The following CACNA1C variants were observed in gnomAD, a reference collection of about 807,000 sequenced individuals.
The protein encoded by CACNA1C is calcium voltage-gated channel subunit alpha1 C, also known as voltage-dependent L-type calcium channel subunit alpha-1C.
Under a neutral mutation model 229.0 loss-of-function variants are expected in CACNA1C, and 30 were observed. The ratio of observed to expected loss-of-function variants is 0.13; its 90% CI spans 0.10 to 0.18. The LOEUF (loss-of-function observed/expected upper bound fraction) is 0.18. Ranked by LOEUF, CACNA1C falls within the 10% of genes least tolerant of loss-of-function variation. CACNA1C has a pLI of 1.00. For missense variants in CACNA1C, 1,658 were observed against 2,845.0 expected, an observed-to-expected ratio of 0.58 and a Z score of 9.49; for synonymous variants, 1,114 against 1,132.5, an observed-to-expected ratio of 0.98 and a Z score of 0.33.
Position 2,678,933 on chromosome 12 carries a change from C to CAGGAAATTCT in CACNA1C, c.5092-510_5092-501dup, listed in dbSNP as rs1448455076. ...CCCCGAGGGGAAAAAGACCATCATG[C>CAGGAAATTCT]AGGAAATTCTTCATTTTCAAAACCG... On this transcript the variant is annotated intron_variant, in intron 41 of 46. Coordinates refer to ENST00000399655, the MANE Select transcript of CACNA1C (RefSeq NM_000719.7). This position sits in a 1 kb window ranked among gnomAD's most constrained non-coding sequence, Gnocchi z 4.1. Among the ~76,000 whole-genome samples, 7 of 152,250 alleles carry CAGGAAATTCT rather than the reference C, an allele frequency of 4.6e-5. No homozygotes were observed. Among genetic ancestry groups the CAGGAAATTCT allele is most frequent in the Non-Finnish European group, 1.0e-4 (7 of 68,034 alleles).
At chr12:2,675,379 C>G (rs1349326341) in intron 39 of CACNA1C, among the ~76,000 whole-genome samples, 1 of 152,160 alleles carries the variant, frequency 6.6e-6, no homozygotes, top group South Asian at 2.1e-4. Context: ...CAAGACAATA[C>G]TGAATACTGT....
intron 3 of CACNA1C, among the ~76,000 whole-genome samples, chr12:2,179,769 G>A (rs1417031975): frequency 6.6e-6 from 1 of 152,220 alleles, no homozygotes; most frequent in Non-Finnish European, 1.5e-5. Flanking sequence ...GTATTTGGCT[G>A]TTCAATGGAT....
intron 3 of CACNA1C, among the ~76,000 whole-genome samples, chr12:2,147,095 T>C (rs1159639640): frequency 6.6e-6 from 1 of 151,256 alleles, no homozygotes; most frequent in African/African-American, 2.4e-5. Context: ...CCTGTCCCTA[T>C]CTCTAGGTCT....
At chr12:2,115,754 G>T (rs889366464) in intron 2 of CACNA1C, among the ~76,000 whole-genome samples, 1 of 152,256 alleles carries the variant, frequency 6.6e-6, no homozygotes, top group Non-Finnish European at 1.5e-5. Flanking sequence ...TGGGGACGGG[G>T]CCCAGCAATC....
intron 3 of CACNA1C, among the ~76,000 whole-genome samples, chr12:2,256,481 A>T (rs1455253981): frequency 6.6e-6 from 1 of 152,164 alleles, no homozygotes; most frequent in Non-Finnish European, 1.5e-5. Context: ...AGCTTTCATT[A>T]CCTGTCTAGC....
rs550267364 is a variant in CACNA1C, at chr12:2,449,126, C to T, written c.617+11C>T. On this transcript the variant is annotated intron_variant, in intron 4 of 46. Transcript: ENST00000399655. ...AATTGTGGTTGTGGGGTAAGTATCA[C>T]TGTCTGTTTCTTTCCCTTTATCTTA... 8 of 1,521,014 alleles carry T rather than the reference C, an allele frequency of 5.3e-6. No homozygotes were observed. Among genetic ancestry groups the T allele is most frequent in the Admixed American group, 2.2e-5 (1 of 45,880 alleles). The allele number at this position is 1,521,014 out of a possible 1,614,324, so 94.2% of individuals were successfully genotyped here.
At chr12:2,390,615 G>T (rs2098465347) in intron 3 of CACNA1C, among the ~76,000 whole-genome samples, 1 of 152,228 alleles carries the variant, frequency 6.6e-6, no homozygotes, top group African/African-American at 2.4e-5. Flanking sequence ...GATGAGTTTG[G>T]AGGGGTTCGA....
chr12:2,005,746 T>A (rs2043295450), intron 1 of CACNA1C, among the ~76,000 whole-genome samples: 1 of 152,254 alleles, frequency 6.6e-6, no homozygotes, highest in Admixed American at 6.5e-5. Context: ...CAATGTCTCA[T>A]GCTACATAAT....
rs551668881 is a variant in CACNA1C at position 2,509,335 on chromosome 12, A to G, written c.1218-3477A>G. On this transcript the variant is annotated intron_variant, in intron 8 of 46. Coordinates refer to ENST00000399655, the MANE Select transcript of CACNA1C (RefSeq NM_000719.7). ...TCATGTTATGGAATGTAACCCTTAC[A>G]TGTTATGGAATGTAACCCTTATTCA... Among the ~76,000 whole-genome samples the G allele has an allele frequency of 1.7e-4, 26 of 152,326 alleles. No homozygotes were observed. The South Asian group carries it at 5.0e-3, about 29-fold the overall frequency.
chr12:2,617,664 C>T (rs1568835529), intron 29 of CACNA1C, among the ~76,000 whole-genome samples: 1 of 152,190 alleles, frequency 6.6e-6, no homozygotes. Context: ...TGGCCACAGG[C>T]CCTGCGGAGG....
In CACNA1C at chr12:2,226,136, CACA is replaced by C. The variant is rs1566519315; in HGVS notation, c.477+105707_477+105709del. On this transcript the variant is annotated intron_variant, in intron 3 of 46. Transcript: ENST00000399655. ...GGATATGGGGACGCGCACACACACA[CACA>C]CACACACACACACACACACACACAC... is the stretch of plus-strand genomic sequence containing the variant. Among the ~76,000 whole-genome samples, 668 of 129,346 alleles carry C rather than the reference CACA, an allele frequency of 5.2e-3. 10 individuals carry two copies. The highest frequency in any genetic ancestry group is 0.022 in the African/African-American group (639 of 29,310). The allele number at this position is 129,346 out of a possible 152,430, so 84.9% of individuals were successfully genotyped here.
chr12:2,680,931 GC>G (rs2097114645), intron 42 of CACNA1C, among the ~76,000 whole-genome samples: 1 of 152,220 alleles, frequency 6.6e-6, no homozygotes, highest in Non-Finnish European at 1.5e-5. Flanking sequence ...TTATGTGCCG[GC>G]CTGAAGGGCT....
At chr12:2,450,324 G>A (rs537300947) in intron 4 of CACNA1C, among the ~76,000 whole-genome samples, 41 of 152,146 alleles carry the variant, frequency 2.7e-4, no homozygotes, top group South Asian at 1.2e-3. Context: ...GGAGGCCAAG[G>A]CGGGCGGATC....
chr12:2,652,307 C>G (rs1481741111), intron 32 of CACNA1C, among the ~76,000 whole-genome samples: 1 of 152,198 alleles, frequency 6.6e-6, no homozygotes, highest in Non-Finnish European at 1.5e-5. Flanking sequence ...CCAGGACTGC[C>G]TGGCCATGTG....
chr12:2,660,525 TA>T (rs1157324995), intron 34 of CACNA1C: 111 of 144,892 alleles, frequency 7.7e-4, no homozygotes, highest in Middle Eastern at 3.5e-3. Context: ...AACAGAACAC[TA>T]AAAAAAAAAA....
intron 10 of CACNA1C, among the ~76,000 whole-genome samples, chr12:2,556,182 C>A (rs1049357177): frequency 8.5e-5 from 13 of 152,280 alleles, no homozygotes; most frequent in African/African-American, 2.2e-4. Flanking sequence ...TTCTCTTTTA[C>A]AGTCTGTCCC....
chr12:2,044,063 A>G (rs2050659801), intron 1 of CACNA1C, among the ~76,000 whole-genome samples: 1 of 152,250 alleles, frequency 6.6e-6, no homozygotes. Flanking sequence ...GTGATTAATA[A>G]TAAAATAATG....
At chr12:2,515,961 C>T (rs1428803559) in intron 9 of CACNA1C, among the ~76,000 whole-genome samples, 7 of 152,128 alleles carry the variant, frequency 4.6e-5, no homozygotes, top group Admixed American at 4.6e-4. Context: ...GGTGATAGAG[C>T]AGTGAACAAG....
chr12:2,128,658 G>T (rs145150653), intron 3 of CACNA1C, among the ~76,000 whole-genome samples: 2 of 152,050 alleles, frequency 1.3e-5, no homozygotes, highest in African/African-American at 4.8e-5. Flanking sequence ...TGATCTGCCC[G>T]CCTCGGCCTC....
Sources: allele counts gnomAD v4.1 joint callset (sites outside exome capture counted in the v4.1 genomes callset), GRCh38; gene constraint gnomAD v4.1.1; non-coding constraint Gnocchi (gnomAD v3.1); transcripts MANE v1.5; gene names NCBI Gene and HGNC (gene_info 2026-07-23, HGNC 2026-07-21).